CORO1B: variants seen among roughly 807,000 people sequenced by gnomAD.
CORO1B encodes coronin-1B.
CORO1B carries 30 observed loss-of-function variants against 51.1 expected under a neutral mutation model. The ratio of observed to expected loss-of-function variants is 0.59; its 90% CI spans 0.44 to 0.80. The LOEUF (loss-of-function observed/expected upper bound fraction) is 0.80. Ranked by LOEUF, CORO1B falls within the 30% of genes least tolerant of loss-of-function variation. CORO1B has a pLI of 0.00. For synonymous variants in CORO1B, 310 were observed against 289.7 expected (o/e 1.07, Z -0.71); for missense variants, 648 against 700.4 (o/e 0.93, Z 0.84).
At chr11:67,443,054 GTC>G (rs1864429179) in intron 1 of CORO1B, among the ~76,000 whole-genome samples, 1 of 152,176 alleles carries the variant, frequency 6.6e-6, no homozygotes, top group Non-Finnish European at 1.5e-5. Context: ...AGCAGGAAAA[GTC>G]TCTCTACTGT....
Position 67,438,840 on chromosome 11 carries a change from A to G in CORO1B, c.1175T>C (p.Leu392Pro). The change falls in exon 10 of 11, where the codon CTG becomes CCG. Residue 392 changes from leucine (L) to proline (P), a missense_variant. Physicochemically the swap from Leu to Pro is moderately conservative, Grantham distance 98 (BLOSUM62 -3). Transcript: ENST00000341356. Reference sequence around the variant, plus strand: ...CTTGCTGGGCACGTAGGCCTCCCGCAGTGAGATGAGGATCGGGTCGGCATC... The same window carrying G: ...CTTGCTGGGCACGTAGGCCTCCCGCGGTGAGATGAGGATCGGGTCGGCATC... ...GRDADPILISLREAYVPSKQR... is the reference protein window; with the variant it reads ...GRDADPILISPREAYVPSKQR... 6.2e-7 allele frequency: 1 copy of G among 1,609,704 alleles called. No individual in the cohort carries two copies. The highest frequency in any genetic ancestry group is 1.1e-5 in the South Asian group (1 of 90,470).
chr11:67,439,901 CAGCTCTCCTGGCAT>C, intron 8 of CORO1B, 58 bp from the exon 9 acceptor site: 1 of 1,518,714 alleles, frequency 6.6e-7, no homozygotes. Context: ...CACCCACCGC[CAGCTCTCCTGGCAT>C]CCTCCACTTC....
chr11:67,439,794 G>A lies in CORO1B; in HGVS notation c.1057C>T (p.Pro353Ser). The A allele has an allele frequency of 6.3e-7, 1 of 1,588,728 alleles. No individual in the cohort carries two copies. Among genetic ancestry groups the A allele is most frequent in the Non-Finnish European group, 8.6e-7 (1 of 1,168,102 alleles). Residue 353 changes from proline to serine, a missense_variant, in exon 9 of 11, where the codon CCA becomes TCA. Physicochemically the swap from Pro to Ser is moderately conservative, Grantham distance 74. Coordinates refer to ENST00000341356, the MANE Select transcript of CORO1B (RefSeq NM_020441.3). ...RKCEPIVMTV[P>S]RKSDLFQDDL... ...GGGACGGGCGGCCTCACCTTTCTTGGCACAGTCATGACGATGGGCTCACAC... is the reference window on the plus strand; with the variant it reads ...GGGACGGGCGGCCTCACCTTTCTTGACACAGTCATGACGATGGGCTCACAC...
At position 67,436,032 on chromosome 11, in the gene CORO1B, C is replaced by T. The variant is rs752342322; in HGVS notation, c.*2344G>A. 1.9e-6 allele frequency: 3 copies of T among 1,613,668 alleles called. No individual in the cohort carries two copies. Among genetic ancestry groups the T allele is most frequent in the Non-Finnish European group, 2.5e-6 (3 of 1,179,882 alleles). On this transcript the variant is annotated 3_prime_UTR_variant, in exon 11 of 11. Coordinates refer to ENST00000341356, the MANE Select transcript of CORO1B (RefSeq NM_020441.3). ...TCATAGTCTGTGTCCTGCTCATCCT[C>T]CTGTCGCTCAAGGTCATTGTCTGTG...
In CORO1B at chr11:67,436,225, GAGCAGCAGC is replaced by G. The variant is rs761732400; in HGVS notation, c.*2142_*2150del. The G allele has an allele frequency of 6.5e-7, 1 of 1,545,678 alleles. No individual in the cohort carries two copies. Among genetic ancestry groups the G allele is most frequent in the Non-Finnish European group, 8.7e-7 (1 of 1,148,136 alleles). On this transcript the variant is annotated 3_prime_UTR_variant, in exon 11 of 11. Coordinates refer to ENST00000341356, the MANE Select transcript of CORO1B (RefSeq NM_020441.3). ...GTGCTAGGCCAGTGGCCAGCAGTAGGAGCAGCAGCAGCAGCAGGACAACGGTGACAGAGC... is the reference window on the plus strand; with the variant it reads ...GTGCTAGGCCAGTGGCCAGCAGTAGGAGCAGCAGGACAACGGTGACAGAGC...
chr11:67,441,102 GC>G (rs1565153384), intron 6 of CORO1B, 22 bp downstream of exon 6: 3 of 1,612,820 alleles, frequency 1.9e-6, no homozygotes, highest in Non-Finnish European at 2.5e-6. Flanking sequence ...TCTCAAGTTT[GC>G]CCCCTCAGGC....
rs746078413 is a variant in CORO1B, at chr11:67,435,822, TCAG to T, written c.*2551_*2553del. 1.2e-6 allele frequency: 2 copies of T among 1,604,798 alleles called. No homozygotes were observed. The highest frequency in any genetic ancestry group is 1.7e-6 in the Non-Finnish European group (2 of 1,176,856). On this transcript the variant is annotated 3_prime_UTR_variant, in exon 11 of 11. Transcript: ENST00000341356. The stretch of plus-strand genomic sequence containing the variant: ...CTGCCAGCAAAGGCGTGCAGGTCAC[TCAG>T]CAGGGCCTCAGCACTGCCCCCTGCG...
intron 6 of CORO1B, 76 bp from the exon 7 acceptor site, chr11:67,440,515 G>C: frequency 7.3e-7 from 1 of 1,376,762 alleles, no homozygotes; most frequent in Non-Finnish European, 1.0e-6. Context: ...GCCTTAGCTG[G>C]CCTCACTAAG....
chr11:67,437,776 C>T lies in CORO1B; in HGVS notation c.*600G>A, dbSNP rs1864316415. ...CCCTCCCTGCTGCAGGACCCCTGGT[C>T]CACACCAGACCCTCCCCAGTCTCTC... On this transcript the variant is annotated 3_prime_UTR_variant, in exon 11 of 11. Transcript: ENST00000341356. 3 of 690,192 alleles carry T rather than the reference C, an allele frequency of 4.3e-6. No homozygotes were observed. The highest frequency in any genetic ancestry group is 6.2e-6 in the Non-Finnish European group (3 of 481,482). 42.8% of individuals were successfully genotyped at this position (690,192 alleles called of 1,614,324 possible).
At position 67,435,642 on chromosome 11, in the gene CORO1B, G is replaced by A. The variant is rs1334033706; in HGVS notation, c.*2734C>T. Reference sequence around the variant, plus strand: ...TGACAGTCTGAGGCATGGTCATGTGGGCTGGGGGTCCAGTCCAGCCATGGC... The same window carrying A: ...TGACAGTCTGAGGCATGGTCATGTGAGCTGGGGGTCCAGTCCAGCCATGGC... On this transcript the variant is annotated 3_prime_UTR_variant, in exon 11 of 11. Coordinates refer to ENST00000341356, the MANE Select transcript of CORO1B (RefSeq NM_020441.3). The A allele has an allele frequency of 7.4e-6, 11 of 1,484,760 alleles. No homozygotes were observed. The highest frequency in any genetic ancestry group is 8.9e-6 in the Non-Finnish European group (10 of 1,122,776). 92.0% of individuals were successfully genotyped at this position (1,484,760 alleles called of 1,614,324 possible).
Position 67,439,802 on chromosome 11 carries a change from A to G in CORO1B, c.1049T>C (p.Met350Thr), listed in dbSNP as rs1297202424. The G allele has an allele frequency of 6.9e-6, 11 of 1,590,232 alleles. No homozygotes were observed. Among genetic ancestry groups the G allele is most frequent in the African/African-American group, 1.3e-5 (1 of 74,834 alleles). ...CGGCCTCACCTTTCTTGGCACAGTC[A>G]TGACGATGGGCTCACACTTGCGCTC... is the stretch of plus-strand genomic sequence containing the variant. ...LHERKCEPIV[M>T]TVPRKSDLFQ... is the part of the protein sequence containing the mutation. The change falls in exon 9 of 11, where the codon ATG (methionine) becomes ACG (threonine). Residue 350 changes from methionine to threonine, a missense_variant. Physicochemically the swap from Met to Thr is moderately conservative, Grantham distance 81 (BLOSUM62 -1). Transcript: ENST00000341356.
rs1461027394 is a variant in CORO1B, at chr11:67,437,361, C to T, written c.*1015G>A. On this transcript the variant is annotated 3_prime_UTR_variant, in exon 11 of 11. Coordinates refer to ENST00000341356, the MANE Select transcript of CORO1B (RefSeq NM_020441.3). ...CTCCAGGAATGCAAGTTCCCGCTCACAGGAAGACCAGGTAAGGGCCTTCCC... is the reference window on the plus strand; with the variant it reads ...CTCCAGGAATGCAAGTTCCCGCTCATAGGAAGACCAGGTAAGGGCCTTCCC... 2.5e-6 allele frequency: 1 copy of T among 395,032 alleles called. No homozygotes were observed. Among genetic ancestry groups the T allele is most frequent in the East Asian group, 3.7e-5 (1 of 27,252 alleles). The allele number at this position is 395,032 out of a possible 1,614,324, so 24.5% of individuals were successfully genotyped here.
chr11:67,438,644 G>A lies in CORO1B; in HGVS notation c.1344+27C>T, dbSNP rs923785030. 4.6e-6 allele frequency: 7 copies of A among 1,517,296 alleles called. No homozygotes were observed. In the South Asian group the frequency reaches 8.7e-5, roughly 19 times the overall value. The allele number at this position is 1,517,296 out of a possible 1,614,324, so 94.0% of individuals were successfully genotyped here. On this transcript the variant is annotated intron_variant, in intron 10 of 10. Transcript: ENST00000341356. ...GCCAGGGCCACACCTGGGGCTCCCA[G>A]CACCACCCCTGCCTGCGCGTGCATA...
chr11:67,436,020 C>T lies in CORO1B; in HGVS notation c.*2356G>A. 1 of 1,613,730 alleles carries T rather than the reference C, an allele frequency of 6.2e-7. No individual in the cohort carries two copies. The highest frequency in any genetic ancestry group is 8.5e-7 in the Non-Finnish European group (1 of 1,179,886). ...TCCGCGACGTGGTCATAGTCTGTGT[C>T]CTGCTCATCCTCCTGTCGCTCAAGG... On this transcript the variant is annotated 3_prime_UTR_variant, in exon 11 of 11. Transcript: ENST00000341356.
chr11:67,442,358 A>G lies in CORO1B; in HGVS notation c.201+70T>C, dbSNP rs1331235647. 3 of 1,489,052 alleles carry G rather than the reference A, an allele frequency of 2.0e-6. No homozygotes were observed. The African/African-American group carries it at 4.2e-5, about 21-fold the overall frequency. 92.2% of individuals were successfully genotyped at this position (1,489,052 alleles called of 1,614,324 possible). On this transcript the variant is annotated intron_variant, in intron 2 of 10. Transcript: ENST00000341356. ...TGAGAAACGGCAAGATGAGGGATTC[A>G]AGGTGTGCAGAAAGGCCCAGTAGGG... is the stretch of plus-strand genomic sequence containing the variant.
chr11:67,437,623 TC>T lies in CORO1B; in HGVS notation c.*752del. The stretch of plus-strand genomic sequence containing the variant: ...GGGGGGCTCCGAGGCTTACCATTGG[TC>T]CGCAGGCCCCTCCGTGCCGGGCACC... On this transcript the variant is annotated 3_prime_UTR_variant, in exon 11 of 11. Coordinates refer to ENST00000341356, the MANE Select transcript of CORO1B (RefSeq NM_020441.3). The T allele has an allele frequency of 7.3e-7, 1 of 1,365,126 alleles. No individual in the cohort carries two copies. The highest frequency in any genetic ancestry group is 2.1e-5 in the South Asian group (1 of 47,126). 84.6% of individuals were successfully genotyped at this position (1,365,126 alleles called of 1,614,324 possible).
chr11:67,438,706 C>A lies in CORO1B; in HGVS notation c.1309G>T (p.Asp437Tyr). The change falls in exon 10 of 11, where the codon GAT (aspartate) becomes TAT (tyrosine). Residue 437 changes from aspartate (D) to tyrosine (Y), a missense_variant. By Grantham distance (160) the Asp-to-Tyr change is radical. Coordinates refer to ENST00000341356, the MANE Select transcript of CORO1B (RefSeq NM_020441.3). The part of the protein sequence containing the change: ...GAPASTTTAA[D>Y]ATPSGSLARA... ...GCCAGGCTGCCGCTGGGGGTGGCAT[C>A]AGCAGCAGTGGTGGTGGAGGCGGGG... The A allele has an allele frequency of 6.4e-7, 1 of 1,551,650 alleles. No homozygotes were observed.
At position 67,435,760 on chromosome 11, in the gene CORO1B, G is replaced by A; in HGVS notation, c.*2616C>T. The A allele has an allele frequency of 6.4e-7, 1 of 1,553,848 alleles. No homozygotes were observed. Among genetic ancestry groups the A allele is most frequent in the Non-Finnish European group, 8.7e-7 (1 of 1,150,860 alleles). ...ACAGTGCGGTGACATGGAGGCCCTG[G>A]CCCCCAGCTGCCCTGGCGCTGTCAT... On this transcript the variant is annotated 3_prime_UTR_variant, in exon 11 of 11. Transcript: ENST00000341356.
Position 67,436,009 on chromosome 11 carries a change from A to G in CORO1B, c.*2367T>C. 6.2e-7 allele frequency: 1 copy of G among 1,613,762 alleles called. No homozygotes were observed. Among genetic ancestry groups the G allele is most frequent in the South Asian group, 1.1e-5 (1 of 91,090 alleles). ...GCAGGCCACCATCCGCGACGTGGTC[A>G]TAGTCTGTGTCCTGCTCATCCTCCT... On this transcript the variant is annotated 3_prime_UTR_variant, in exon 11 of 11. Coordinates refer to ENST00000341356, the MANE Select transcript of CORO1B (RefSeq NM_020441.3).
Sources: gnomAD v4.1 joint callset for allele counts (sites outside exome capture counted in the v4.1 genomes callset) on GRCh38, gnomAD v4.1.1 for gene constraint, MANE v1.5 for transcripts, NCBI Gene and HGNC (gene_info 2026-07-23, HGNC 2026-07-21) for gene names.